The following DCAF13 variants were observed in gnomAD, a reference collection of about 807,000 sequenced individuals.
DCAF13 encodes DDB1- and CUL4-associated factor 13.
Under a neutral mutation model 59.0 loss-of-function variants are expected in DCAF13, and 38 were observed. The ratio of observed to expected loss-of-function variants is 0.64; its 90% CI spans 0.50 to 0.84. The LOEUF (loss-of-function observed/expected upper bound fraction) is 0.84. Ranked by LOEUF, DCAF13 falls within the 40% of genes least tolerant of loss-of-function variation. The probability of loss-of-function intolerance (pLI) is 0.00; values close to 1 mark genes in which losing one functional copy is unlikely to be tolerated. For missense variants in DCAF13, 469 were observed against 558.4 expected, an observed-to-expected ratio of 0.84 and a Z score of 1.61; for synonymous variants, 173 against 175.0, an observed-to-expected ratio of 0.99 and a Z score of 0.09.
intron 1 of DCAF13, among the ~76,000 whole-genome samples, chr8:103,417,506 G>C (rs1338360992): frequency 6.6e-6 from 1 of 151,724 alleles, no homozygotes; most frequent in Non-Finnish European, 1.5e-5. Context: ...GCCCAGCGTG[G>C]TGCTGGGTGC....
In DCAF13 at chr8:103,415,427, C is replaced by T. The variant is rs766564702; in HGVS notation, c.-20C>T. 58 of 1,613,924 alleles carry T rather than the reference C, an allele frequency of 3.6e-5. No individual in the cohort carries two copies. Among genetic ancestry groups the T allele is most frequent in the Non-Finnish European group, 4.8e-5 (57 of 1,180,012 alleles). On this transcript the variant is annotated 5_prime_UTR_variant, in exon 1 of 11. Transcript: ENST00000612750. The stretch of plus-strand genomic sequence containing the variant: ...CTCCTAGCGGACACCTCGTGGAGTC[C>T]GGCCGGAAGAGCAACCGAGATGAAG...
intron 10 of DCAF13, 27 bp downstream of exon 10, chr8:103,441,645 T>G (rs1817012282): frequency 1.2e-6 from 2 of 1,601,896 alleles, no homozygotes; most frequent in South Asian, 2.3e-5. Flanking sequence ...TTGACTCTAT[T>G]ACCCTTTTCT....
chr8:103,432,515 G>A, intron 6 of DCAF13, 144 bp from the exon 7 acceptor site: 1 of 420,816 alleles, frequency 2.4e-6, no homozygotes, highest in East Asian at 3.3e-5. Flanking sequence ...GTGTATTTAA[G>A]AAGCAATTAC....
chr8:103,417,089 G>A (rs1232972304), intron 1 of DCAF13, among the ~76,000 whole-genome samples: 1 of 152,138 alleles, frequency 6.6e-6, no homozygotes, highest in African/African-American at 2.4e-5. Context: ...TCTGCACTTT[G>A]CACAGTACCA....
In DCAF13 at chr8:103,416,281, CAT is replaced by C. The variant is rs367984414; in HGVS notation, c.70+766_70+767del. 3.4e-3 allele frequency among the ~76,000 whole-genome samples: 524 copies of C among 152,308 alleles called. 6 individuals carry two copies. The highest frequency in any genetic ancestry group is 8.3e-3 in the African/African-American group (344 of 41,564). ...TTGGTTGAGTAGGAGATATTATCAA[CAT>C]GTGTGTGAGCATTGCTAATAAGTCT... On this transcript the variant is annotated intron_variant, in intron 1 of 10. Coordinates refer to ENST00000612750, the MANE Select transcript of DCAF13 (RefSeq NM_015420.7).
chr8:103,416,265 T>C (rs1460307656), intron 1 of DCAF13, among the ~76,000 whole-genome samples: 2 of 152,174 alleles, frequency 1.3e-5, no homozygotes, highest in Admixed American at 1.3e-4. Flanking sequence ...TTTGGTTGAG[T>C]AGGAGATATT....
chr8:103,428,163 A>G (rs1309911939), intron 5 of DCAF13: 1 of 152,196 alleles, frequency 6.6e-6, no homozygotes, highest in African/African-American at 2.4e-5. Context: ...TATACTGGAA[A>G]ATGAGATGCT....
In DCAF13 at chr8:103,440,137, G is replaced by C. The variant is rs1290407925; in HGVS notation, c.952G>C (p.Glu318Gln). Residue 318 changes from glutamate (E) to glutamine (Q), a missense_variant and splice_region_variant, in exon 9 of 11, where the codon GAG (glutamate) becomes CAG (glutamine). Glu to Gln is a conservative substitution (Grantham distance 29). Coordinates refer to ENST00000612750, the MANE Select transcript of DCAF13 (RefSeq NM_015420.7). ...TTTAACTTAATTCGTTTTCTATAGGGAGGTATATCATACAAAGAGAATGCA... is the reference window on the plus strand; with the variant it reads ...TTTAACTTAATTCGTTTTCTATAGGCAGGTATATCATACAAAGAGAATGCA... ...IFPVDKSRSR[E>Q]VYHTKRMQHV... The C allele has an allele frequency of 6.4e-7, 1 of 1,572,392 alleles. No individual in the cohort carries two copies. The highest frequency in any genetic ancestry group is 1.2e-5 in the South Asian group (1 of 83,622).
chr8:103,417,066 G>C (rs373804376), intron 1 of DCAF13, among the ~76,000 whole-genome samples: 1 of 152,170 alleles, frequency 6.6e-6, no homozygotes, highest in African/African-American at 2.4e-5. Flanking sequence ...CTTTCTTTGT[G>C]AAGTACAGGC....
intron 1 of DCAF13, among the ~76,000 whole-genome samples, chr8:103,417,641 C>CA (rs34702662): frequency 0.088 from 6,648 of 75,602 alleles, 489 homozygotes; most frequent in African/African-American, 0.2. Flanking sequence ...GACTCCGTCT[C>CA]AAAAAAAAAA....
intron 6 of DCAF13, 91 bp downstream of exon 6, chr8:103,430,780 C>A: frequency 2.1e-6 from 2 of 934,714 alleles, no homozygotes; most frequent in Non-Finnish European, 3.2e-6. Context: ...CAAATATTTT[C>A]TCAGAATTAA....
In DCAF13 at chr8:103,435,685, T is replaced by C; in HGVS notation, c.845T>C (p.Val282Ala). ...DTPVMVHMDH[V>A]SAVLDVDYSP... The stretch of plus-strand genomic sequence containing the variant: ...CCTGTAATGGTCCATATGGATCATG[T>C]ATCTGCAGTGCTTGATGTGGATTAC... Residue 282 changes from valine to alanine, a missense_variant, in exon 8 of 11, where the codon GTA becomes GCA. Physicochemically the swap from Val to Ala is moderately conservative, Grantham distance 64. This residue lies in a region of DCAF13 where 355 missense variants were observed against 399.1 expected (regional missense o/e 0.89). Transcript: ENST00000612750. 1.2e-6 allele frequency: 2 copies of C among 1,612,876 alleles called. No homozygotes were observed. Among genetic ancestry groups the C allele is most frequent in the East Asian group, 4.5e-5 (2 of 44,864 alleles).
intron 1 of DCAF13, among the ~76,000 whole-genome samples, chr8:103,418,618 C>CT (rs1343209511): frequency 6.6e-6 from 1 of 150,988 alleles, no homozygotes; most frequent in Non-Finnish European, 1.5e-5. Context: ...ATGAGTAGGA[C>CT]TTTGAGTTTT....
chr8:103,415,758 T>TTCC (rs1563722909), intron 1 of DCAF13, among the ~76,000 whole-genome samples: 2 of 152,188 alleles, frequency 1.3e-5, no homozygotes, highest in African/African-American at 2.4e-5. Context: ...CAGTTGTCTA[T>TTCC]AGTGGAGAAA....
chr8:103,441,909 G>T, intron 10 of DCAF13: 2 of 297,368 alleles, frequency 6.7e-6, no homozygotes, highest in Non-Finnish European at 1.2e-5. Flanking sequence ...AGGACTACAG[G>T]CACGCGCCAC....
At chr8:103,423,517 G>A (rs949263278) in intron 3 of DCAF13, among the ~76,000 whole-genome samples, 1 of 152,124 alleles carries the variant, frequency 6.6e-6, no homozygotes, top group African/African-American at 2.4e-5. Flanking sequence ...GGAGTAAAAT[G>A]GTCATTACTA....
intron 7 of DCAF13, among the ~76,000 whole-genome samples, chr8:103,434,998 A>G (rs1322548624): frequency 6.6e-6 from 1 of 152,098 alleles, no homozygotes; most frequent in Admixed American, 6.6e-5. Flanking sequence ...TGCTACTTGT[A>G]GGAATCTGTC....
rs140915485 is a variant in DCAF13, at chr8:103,428,652, T to C, written c.624+1400T>C. The C allele has an allele frequency of 1.6e-3, 245 of 152,158 alleles. 4 individuals are homozygous for C. Among genetic ancestry groups the C allele is most frequent in the African/African-American group, 5.5e-3 (230 of 41,502 alleles). 9.4% of individuals were successfully genotyped at this position (152,158 alleles called of 1,614,324 possible). On this transcript the variant is annotated intron_variant, in intron 5 of 10. Transcript: ENST00000612750. The stretch of plus-strand genomic sequence containing the variant: ...ACCAAGTGTAAAAGTTGATAACATA[T>C]GTGAACATTTTTTAAAAGTGCTATC...
chr8:103,420,624 C>T (rs1816710012), intron 2 of DCAF13, 161 bp downstream of exon 2: 3 of 681,730 alleles, frequency 4.4e-6, no homozygotes, highest in Non-Finnish European at 7.2e-6. Flanking sequence ...CTTCTTTAAA[C>T]CTAAGAAATT....
Sources: allele counts gnomAD v4.1 joint callset (sites outside exome capture counted in the v4.1 genomes callset), GRCh38; gene constraint gnomAD v4.1.1; regional missense constraint gnomAD v4.1.1; transcripts MANE v1.5; gene names NCBI Gene and HGNC (gene_info 2026-07-23, HGNC 2026-07-21).